CSPG5: variants seen among roughly 807,000 people sequenced by gnomAD.
The protein encoded by CSPG5 is chondroitin sulfate proteoglycan 5.
Under a neutral mutation model 39.8 loss-of-function variants are expected in CSPG5, and 25 were observed. That is an observed-to-expected ratio of 0.63 (90% CI 0.46 to 0.88). CSPG5 has a LOEUF of 0.88. CSPG5 is among the 40% of genes least tolerant of loss of function. The pLI is 0.00. For synonymous variants in CSPG5, 295 were observed against 303.9 expected (o/e 0.97, Z 0.31); for missense variants, 627 against 702.2 (o/e 0.89, Z 1.21).
chr3:47,578,520 T>G lies in CSPG5; in HGVS notation c.97+77A>C. ...CCTTGCCACAGCTCACAGCTCCACC[T>G]GTCCCCGCCGCCAGCGGGACCCCTG... On this transcript the variant is annotated intron_variant, in intron 1 of 4. Coordinates refer to ENST00000264723, the MANE Select transcript of CSPG5 (RefSeq NM_006574.4). This position sits in a 1 kb window ranked among gnomAD's most constrained non-coding sequence, Gnocchi z 6.0. 1 of 410,378 alleles carries G rather than the reference T, an allele frequency of 2.4e-6. No homozygotes were observed. 25.4% of individuals were successfully genotyped at this position (410,378 alleles called of 1,614,324 possible). A position where few individuals can be genotyped will look rare whatever the true frequency, so the allele number is the denominator to read the frequency against.
intron 3 of CSPG5, among the ~76,000 whole-genome samples, chr3:47,569,759 T>C (rs1365373917): frequency 1.3e-5 from 2 of 151,436 alleles, no homozygotes; most frequent in Non-Finnish European, 2.9e-5. Context: ...TCTTTTTTTT[T>C]TTTTTTGAGA....
In CSPG5 at chr3:47,578,222, A is replaced by C; in HGVS notation, c.98-294T>G. The C allele has an allele frequency of 2.9e-6, 1 of 340,574 alleles. No individual in the cohort carries two copies. The allele number at this position is 340,574 out of a possible 1,614,324, so 21.1% of individuals were successfully genotyped here. A position where few individuals can be genotyped will look rare whatever the true frequency, so the allele number is the denominator to read the frequency against. ...GGGCGGCCCCCAGCTCGGCCCACCC[A>C]TAAGTCTCACCCTCGGGAACCCACC... On this transcript the variant is annotated intron_variant, in intron 1 of 4. Transcript: ENST00000264723. This position sits in a 1 kb window ranked among gnomAD's most constrained non-coding sequence, Gnocchi z 6.0.
chr3:47,567,218 G>GAACA (rs1194814945), intron 4 of CSPG5, among the ~76,000 whole-genome samples: 6 of 152,202 alleles, frequency 3.9e-5, no homozygotes, highest in Admixed American at 2.0e-4. Context: ...CGTGGACAGT[G>GAACA]AACATGCTGA....
chr3:47,568,795 C>G (rs1285694770), intron 4 of CSPG5, among the ~76,000 whole-genome samples: 1 of 152,140 alleles, frequency 6.6e-6, no homozygotes, highest in African/African-American at 2.4e-5. Context: ...GCAGGAAGAC[C>G]ACTTGAGGCC....
chr3:47,575,890 C>G (rs2031701221), intron 2 of CSPG5, among the ~76,000 whole-genome samples: 1 of 151,652 alleles, frequency 6.6e-6, no homozygotes, highest in African/African-American at 2.4e-5. Flanking sequence ...TCAACCCAGC[C>G]CTTTTTCCAA....
chr3:47,566,785 C>T (rs557945098), intron 4 of CSPG5, among the ~76,000 whole-genome samples: 1 of 152,310 alleles, frequency 6.6e-6, no homozygotes, highest in South Asian at 2.1e-4. Flanking sequence ...GCCCTGGCCA[C>T]CCCATCACCC....
rs1559615007 is a variant in CSPG5 at position 47,576,903 on chromosome 3, C to T, written c.1123G>A (p.Asp375Asn). ...RHNGSCRSVC[D>N]LFPSYCHNGG... Reference sequence around the variant, plus strand: ...TTGTGACAGTAACTTGGGAAGAGGTCGCACACTGACCGGCAGGAGCCGTTA... The same window carrying T: ...TTGTGACAGTAACTTGGGAAGAGGTTGCACACTGACCGGCAGGAGCCGTTA... The change falls in exon 2 of 5, where the codon GAC becomes AAC. Residue 375 changes from aspartate (D) to asparagine (N), a missense_variant. Physicochemically the swap from Asp to Asn is conservative, Grantham distance 23. Coordinates refer to ENST00000264723, the MANE Select transcript of CSPG5 (RefSeq NM_006574.4). 6.2e-7 allele frequency: 1 copy of T among 1,606,584 alleles called. No individual in the cohort carries two copies. Among genetic ancestry groups the T allele is most frequent in the Non-Finnish European group, 8.5e-7 (1 of 1,175,576 alleles).
In CSPG5 at chr3:47,577,798, C is replaced by G. The variant is rs776769845; in HGVS notation, c.228G>C (p.Thr76=). The G allele has an allele frequency of 1.1e-5, 17 of 1,581,822 alleles. No individual in the cohort carries two copies. Among genetic ancestry groups the G allele is most frequent in the Non-Finnish European group, 6.0e-6 (7 of 1,172,776 alleles). The part of the protein sequence containing the change: ...PAAGEDEASW[T]APGGELAGPE... ...GCCCGGCCAGCTCGCCACCGGGCGC[C>G]GTCCACGACGCCTCATCTTCCCCAG... Residue 76 remains threonine, a synonymous_variant, in exon 2 of 5, where the codon ACG becomes ACC. Transcript: ENST00000264723. The surrounding 1 kb of genome is among the most constrained non-coding windows in gnomAD (Gnocchi z 4.7).
chr3:47,566,165 C>T (rs924353858), intron 4 of CSPG5, among the ~76,000 whole-genome samples: 1 of 152,146 alleles, frequency 6.6e-6, no homozygotes, highest in Non-Finnish European at 1.5e-5. Flanking sequence ...AGGAAAATGA[C>T]CTGCTCAATC....
chr3:47,573,344 C>A (rs2031594660), intron 2 of CSPG5, among the ~76,000 whole-genome samples: 1 of 152,226 alleles, frequency 6.6e-6, no homozygotes, highest in South Asian at 2.1e-4. Context: ...TATCTTGCTG[C>A]TTTGCAGTCC....
Position 47,578,408 on chromosome 3 carries a change from GC to G in CSPG5, c.97+188del, listed in dbSNP as rs1309845929. Among the ~76,000 whole-genome samples the G allele has an allele frequency of 6.0e-5, 9 of 149,586 alleles. No homozygotes were observed. In the East Asian group the frequency reaches 1.4e-3, roughly 23 times the overall value. On this transcript the variant is annotated intron_variant, in intron 1 of 4. Transcript: ENST00000264723. The surrounding 1 kb of genome is among the most constrained non-coding windows in gnomAD (Gnocchi z 6.0). ...GTCCCGGCTACCCCAACCGGGGTCG[GC>G]CCCCACGCGGGTCGGCCTTTCCCGG...
chr3:47,562,786 G>C lies in CSPG5; in HGVS notation c.1459-25C>G, dbSNP rs548312605. ...CCTGGAAGAGGGAAAAAGTTGGGGG[G>C]GGGGAGACAATGCATACAGCAACCA... is the stretch of plus-strand genomic sequence containing the variant. On this transcript the variant is annotated intron_variant, in intron 4 of 4. Coordinates refer to ENST00000264723, the MANE Select transcript of CSPG5 (RefSeq NM_006574.4). 6.3e-5 allele frequency: 99 copies of C among 1,577,716 alleles called. 1 individual carries two copies. The highest frequency in any genetic ancestry group is 2.0e-4 in the Middle Eastern group (1 of 5,056).
chr3:47,577,483 G>A lies in CSPG5; in HGVS notation c.543C>T (p.Gly181=). 1.2e-6 allele frequency: 2 copies of A among 1,613,456 alleles called. No individual in the cohort carries two copies. Among genetic ancestry groups the A allele is most frequent in the Non-Finnish European group, 1.7e-6 (2 of 1,179,866 alleles). Residue 181 remains glycine, a synonymous_variant, in exon 2 of 5, where the codon GGC becomes GGT. Transcript: ENST00000264723. The surrounding 1 kb of genome is among the most constrained non-coding windows in gnomAD (Gnocchi z 4.7). The part of the protein sequence containing the change: ...SPLEVWLNLG[G]STPDPQGPEL... The stretch of plus-strand genomic sequence containing the variant: ...CTGGCCCTTGAGGGTCGGGTGTGCT[G>A]CCCCCCAGGTTCAGCCAAACCTCCA...
At chr3:47,571,534 C>T (rs1013253653) in intron 3 of CSPG5, among the ~76,000 whole-genome samples, 8 of 152,258 alleles carry the variant, frequency 5.3e-5, no homozygotes, top group Admixed American at 3.3e-4. Flanking sequence ...GGAGTGATCA[C>T]GTGTGTAGAT....
At chr3:47,578,899 G>GCTACT (rs2031893976), upstream of CSPG5, 1 of 148,540 alleles carries the variant, frequency 6.7e-6, no homozygotes, top group African/African-American at 2.4e-5. This position sits in a 1 kb window ranked among gnomAD's most constrained non-coding sequence, Gnocchi z 6.0. Context: ...CCGCCGCTGC[G>GCTACT]CTCAGCGCCG....
intron 2 of CSPG5, 110 bp downstream of exon 2, chr3:47,576,723 G>T (rs2031751791): frequency 7.9e-7 from 1 of 1,265,236 alleles, no homozygotes; most frequent in South Asian, 1.6e-5. Flanking sequence ...GCCTCCCAAA[G>T]TGCTGGGATT....
At position 47,578,681 on chromosome 3, in the gene CSPG5, C is replaced by G; in HGVS notation, c.13G>C (p.Gly5Arg). MGRA[G>R]GGGPGRGPPP... is the part of the protein sequence containing the mutation. ...GGCCCCCGGCCCGGGCCCCCGCCCC[C>G]GGCTCGCCCCATGGCGCGGCGCCCC... The change falls in exon 1 of 5, where the codon GGG becomes CGG. Residue 5 changes from glycine to arginine, a missense_variant. Coordinates refer to ENST00000264723, the MANE Select transcript of CSPG5 (RefSeq NM_006574.4). This position sits in a 1 kb window ranked among gnomAD's most constrained non-coding sequence, Gnocchi z 6.0. 1 of 1,045,076 alleles carries G rather than the reference C, an allele frequency of 9.6e-7. No individual in the cohort carries two copies. The allele number at this position is 1,045,076 out of a possible 1,614,324, so 64.7% of individuals were successfully genotyped here.
chr3:47,574,589 C>T (rs2031637287), intron 2 of CSPG5, among the ~76,000 whole-genome samples: 1 of 152,194 alleles, frequency 6.6e-6, no homozygotes, highest in Non-Finnish European at 1.5e-5. Context: ...GGCTGGACCA[C>T]TCCAAGAACT....
intron 4 of CSPG5, among the ~76,000 whole-genome samples, chr3:47,567,732 C>A (rs1324245031): frequency 6.6e-6 from 1 of 152,238 alleles, no homozygotes; most frequent in Non-Finnish European, 1.5e-5. Context: ...AGGAAGAAGG[C>A]CAGGCATGGT....
Sources: allele counts gnomAD v4.1 joint callset (sites outside exome capture counted in the v4.1 genomes callset), GRCh38; gene constraint gnomAD v4.1.1; non-coding constraint Gnocchi (gnomAD v3.1); transcripts MANE v1.5; gene names NCBI Gene and HGNC (gene_info 2026-07-23, HGNC 2026-07-21).